C12orf42: variants seen among roughly 807,000 people sequenced by gnomAD.
C12orf42 encodes uncharacterized protein C12orf42.
In C12orf42, 25 loss-of-function variants were observed where a neutral mutation model predicts 21.6. The ratio of observed to expected loss-of-function variants is 1.16; its 90% CI spans 0.84 to 1.62. The LOEUF is 1.62. Among genes scored for constraint, C12orf42 ranks in the 40% most tolerant of loss-of-function variants. The pLI is 0.00. For synonymous variants in C12orf42, 174 were observed against 175.0 expected (o/e 0.99, Z 0.05); for missense variants, 483 against 459.3 (o/e 1.05, Z -0.47).
At chr12:103,055,855 T>G in the C12orf42 span, among the ~76,000 whole-genome samples, 1 of 152,098 alleles carries the variant, frequency 6.6e-6, no homozygotes, top group Admixed American at 6.5e-5. Context: ...TTTAGAGATT[T>G]TTTCTGTCAT....
upstream of C12orf42, among the ~76,000 whole-genome samples, chr12:103,497,445 G>A (rs1440015175): frequency 6.6e-6 from 1 of 152,136 alleles, no homozygotes; most frequent in Non-Finnish European, 1.5e-5. Flanking sequence ...AAGGTAGCAA[G>A]CCCCAAAATG....
chr12:103,095,114 A>G, the C12orf42 span, among the ~76,000 whole-genome samples: 4 of 152,052 alleles, frequency 2.6e-5, no homozygotes, highest in Non-Finnish European at 5.9e-5. Context: ...GCTGCCACCA[A>G]CTATCACCTG....
the C12orf42 span, among the ~76,000 whole-genome samples, chr12:103,224,113 GCCTCTA>G: frequency 1.5e-3 from 232 of 152,086 alleles, 1 homozygote; most frequent in Non-Finnish European, 1.3e-3. Flanking sequence ...TGTAGGAAAG[GCCTCTA>G]CCTATCCAGT....
the C12orf42 span, among the ~76,000 whole-genome samples, chr12:103,145,153 A>C: frequency 6.6e-6 from 1 of 152,078 alleles, no homozygotes; most frequent in Non-Finnish European, 1.5e-5. Flanking sequence ...AAAAACTCAA[A>C]CTTTTATACT....
the C12orf42 span, among the ~76,000 whole-genome samples, chr12:103,527,078 C>T: frequency 1.3e-5 from 2 of 152,100 alleles, no homozygotes; most frequent in Non-Finnish European, 2.9e-5. Context: ...TGGTCCTCTT[C>T]TTCTTGTCAG....
chr12:103,062,807 A>G, the C12orf42 span, among the ~76,000 whole-genome samples: 1 of 151,574 alleles, frequency 6.6e-6, no homozygotes, highest in Non-Finnish European at 1.5e-5. Flanking sequence ...TTTTTTTTAC[A>G]TTTCTAATAA....
the C12orf42 span, among the ~76,000 whole-genome samples, chr12:103,070,016 T>TG: frequency 1.3e-4 from 20 of 152,186 alleles, no homozygotes; most frequent in Non-Finnish European, 2.9e-4. Context: ...AGCTAACACC[T>TG]GGGGTGCTTA....
intron 10 of C12orf42, among the ~76,000 whole-genome samples, chr12:103,256,171 CAT>C (rs1236008334): frequency 8.3e-6 from 1 of 121,054 alleles, no homozygotes; most frequent in Non-Finnish European, 1.7e-5. Flanking sequence ...TATATATACA[CAT>C]ATATATACAT....
the C12orf42 span, among the ~76,000 whole-genome samples, chr12:103,165,087 CAT>C: frequency 6.6e-6 from 1 of 152,176 alleles, no homozygotes; most frequent in African/African-American, 2.4e-5. Context: ...AGGTCACACA[CAT>C]AGTCTGTGTT....
chr12:103,331,899 A>G (rs1317441112), intron 4 of C12orf42, among the ~76,000 whole-genome samples: 1 of 152,220 alleles, frequency 6.6e-6, no homozygotes, highest in East Asian at 1.9e-4. Flanking sequence ...CCTATGGAGA[A>G]TTAGAACAAG....
At chr12:103,155,412 T>C in the C12orf42 span, 1 of 152,162 alleles carries the variant, frequency 6.6e-6, no homozygotes, top group Non-Finnish European at 1.5e-5. Flanking sequence ...GTGTCTTCTA[T>C]ATAAGCTATA....
chr12:103,057,659 C>T, the C12orf42 span, among the ~76,000 whole-genome samples: 164 of 152,212 alleles, frequency 1.1e-3, no homozygotes, highest in African/African-American at 3.9e-3. Flanking sequence ...CTGCAATAAA[C>T]ATACATGTGC....
chr12:103,231,218 T>C, the C12orf42 span, among the ~76,000 whole-genome samples: 1 of 152,230 alleles, frequency 6.6e-6, no homozygotes, highest in Non-Finnish European at 1.5e-5. Context: ...CATATATCCC[T>C]GCCTTCACAC....
Position 103,494,827 on chromosome 12 carries a change from G to C in C12orf42, c.-22+1075C>G, listed in dbSNP as rs367646419. ...ACAGCGGTGAATAGGGTAAAGAAGG[G>C]AGGGGGTGTCGAATGAATGGGAGGA... On this transcript the variant is annotated intron_variant, in intron 1 of 5. Coordinates refer to ENST00000548883, the MANE Select transcript of C12orf42 (RefSeq NM_198521.5). Among the ~76,000 whole-genome samples, 6 of 152,200 alleles carry C rather than the reference G, an allele frequency of 3.9e-5. No homozygotes were observed. In the East Asian group the frequency reaches 9.6e-4, roughly 24 times the overall value.
At chr12:103,106,021 A>C in the C12orf42 span, among the ~76,000 whole-genome samples, 3,556 of 152,306 alleles carry the variant, frequency 0.023, 59 homozygotes, top group African/African-American at 0.047. Flanking sequence ...ACTGAAGAAG[A>C]ACATTAGTAC....
chr12:103,305,940 C>T (rs778250846), intron 5 of C12orf42, 34 bp downstream of exon 5: 4 of 1,563,444 alleles, frequency 2.6e-6, no homozygotes, highest in Non-Finnish European at 3.5e-6. Context: ...CCAGTTGAAA[C>T]AAGAAGAGTC....
chr12:103,294,421 G>GAAAGAAAGAAA (rs1272644380), intron 4 of C12orf42, among the ~76,000 whole-genome samples: 9 of 71,836 alleles, frequency 1.3e-4, no homozygotes, highest in African/African-American at 5.0e-4. Flanking sequence ...AAGAGAGAAA[G>GAAAGAAAGAAA]GAGAGAGAGA....
At chr12:103,407,114 C>T (rs1015498578) in intron 2 of C12orf42, among the ~76,000 whole-genome samples, 6 of 152,086 alleles carry the variant, frequency 3.9e-5, no homozygotes, top group Non-Finnish European at 7.4e-5. Flanking sequence ...GGTGGAGTTG[C>T]GATTCCAAGG....
chr12:103,385,042 T>C (rs948816182), intron 3 of C12orf42, among the ~76,000 whole-genome samples: 1 of 152,178 alleles, frequency 6.6e-6, no homozygotes, highest in Non-Finnish European at 1.5e-5. Flanking sequence ...TCGTCAAGCC[T>C]CCACTTTGTA....
Sources: gnomAD v4.1 joint callset for allele counts (sites outside exome capture counted in the v4.1 genomes callset) on GRCh38, gnomAD v4.1.1 for gene constraint, MANE v1.5 for transcripts, NCBI Gene and HGNC (gene_info 2026-07-23, HGNC 2026-07-21) for gene names.